Variants in KCNN1 observed in about 807,000 individuals in gnomAD.
KCNN1 encodes the protein potassium calcium-activated channel subfamily N member 1.
Under a neutral mutation model 44.7 loss-of-function variants are expected in KCNN1, and 20 were observed. The observed-to-expected ratio is 0.45, with a 90% CI of 0.32 to 0.65. The LOEUF (loss-of-function observed/expected upper bound fraction) is 0.65, where lower values mean the gene tolerates loss of function less well. KCNN1 is among the 30% of genes least tolerant of loss of function. The pLI is 0.05. For missense variants in KCNN1, 632 were observed against 785.3 expected (o/e 0.80, Z 2.33); for synonymous variants, 324 against 341.7 (o/e 0.95, Z 0.57).
chr19:17,967,024 TC>T (rs1351701681), upstream of KCNN1: 4 of 568,658 alleles, frequency 7.0e-6, no homozygotes, highest in Non-Finnish European at 4.4e-6. Flanking sequence ...GCTTGCGGGG[TC>T]GTCGAAGGCG....
At chr19:17,961,253 C>A (rs551674141) in intron 2 of KCNN1, among the ~76,000 whole-genome samples, 3 of 150,618 alleles carry the variant, frequency 2.0e-5, no homozygotes, top group African/African-American at 7.3e-5. Flanking sequence ...CCCACTATGA[C>A]CCCCTCTTCA....
Position 17,981,425 on chromosome 19 carries a change from G to A in KCNN1, c.499-284G>A, listed in dbSNP as rs548881996. Among the ~76,000 whole-genome samples the A allele has an allele frequency of 2.0e-5, 3 of 150,444 alleles. 1 individual carries two copies. In the South Asian group the frequency reaches 6.3e-4, roughly 32 times the overall value. On this transcript the variant is annotated intron_variant, in intron 3 of 9. Coordinates refer to ENST00000684775, the MANE Select transcript of KCNN1 (RefSeq NM_001386974.1). ...AAATTAGCCAGGTGTGGTGGGGCAA[G>A]CCTGTAATTCCAGCTACTCCGGAGG...
chr19:17,982,892 T>C (rs1389738739), intron 4 of KCNN1, among the ~76,000 whole-genome samples: 1 of 151,684 alleles, frequency 6.6e-6, no homozygotes, highest in Admixed American at 6.6e-5. Flanking sequence ...GGATCTGGGG[T>C]GGGCTAGGTG....
rs2033086865 is a variant in KCNN1, at chr19:17,998,626, C to T, written c.*220C>T. 9 of 482,264 alleles carry T rather than the reference C, an allele frequency of 1.9e-5. No individual in the cohort carries two copies. The highest frequency in any genetic ancestry group is 5.3e-4 in the Middle Eastern group (1 of 1,888). 29.9% of individuals were successfully genotyped at this position (482,264 alleles called of 1,614,324 possible). On this transcript the variant is annotated 3_prime_UTR_variant, in exon 10 of 10. Transcript: ENST00000684775. This position sits in a 1 kb window ranked among gnomAD's most constrained non-coding sequence, Gnocchi z 5.4. ...AGCTTCCTCTGGTCACCTGGTCCCC[C>T]GACTCTCCCCAGGCCCCCGGTGGGC...
intron 1 of KCNN1, among the ~76,000 whole-genome samples, chr19:17,970,832 C>T (rs2031992508): frequency 6.6e-6 from 1 of 151,942 alleles, no homozygotes; most frequent in Admixed American, 6.6e-5. Context: ...ATAGGTGGTC[C>T]TGCAATGTGT....
chr19:17,998,474 T>C lies in KCNN1; in HGVS notation c.*68T>C. ...TGGCCGCCACCTCCGGGAAGCCTTG[T>C]ACAGTGGCGCCTCTTGGAGTTCAAG... On this transcript the variant is annotated 3_prime_UTR_variant, in exon 10 of 10. Transcript: ENST00000684775. The surrounding 1 kb of genome is among the most constrained non-coding windows in gnomAD (Gnocchi z 5.4). 7.2e-7 allele frequency: 1 copy of C among 1,389,414 alleles called. No homozygotes were observed. 86.1% of individuals were successfully genotyped at this position (1,389,414 alleles called of 1,614,324 possible).
rs774463047 is a variant in KCNN1, at chr19:17,977,111, G to T, written c.498+1924G>T. On this transcript the variant is annotated intron_variant, in intron 3 of 9. Coordinates refer to ENST00000684775, the MANE Select transcript of KCNN1 (RefSeq NM_001386974.1). ...GAAGTCTGAGATCAAGGCGTTAGCA[G>T]GGTTGGTTCCTTCTGAGAGCCATGA... Among the ~76,000 whole-genome samples the T allele has an allele frequency of 6.4e-4, 97 of 152,142 alleles. 1 individual carries two copies. Among genetic ancestry groups the T allele is most frequent in the Admixed American group, 3.3e-4 (5 of 15,256 alleles).
intron 7 of KCNN1, among the ~76,000 whole-genome samples, chr19:17,992,524 C>T (rs1234855565): frequency 5.3e-5 from 8 of 152,162 alleles, no homozygotes; most frequent in South Asian, 4.1e-4. Flanking sequence ...TCGCTTGAAC[C>T]GGGGAAGTGG....
upstream of KCNN1, among the ~76,000 whole-genome samples, chr19:17,963,108 C>T (rs1436800543): frequency 2.7e-5 from 4 of 148,388 alleles, no homozygotes; most frequent in Admixed American, 6.8e-5. Flanking sequence ...CCTGGGTTCA[C>T]GCCATTCTCC....
chr19:17,998,607 C>T lies in KCNN1; in HGVS notation c.*201C>T, dbSNP rs1326667915. 3.9e-6 allele frequency: 2 copies of T among 511,088 alleles called. No homozygotes were observed. Among genetic ancestry groups the T allele is most frequent in the African/African-American group, 2.0e-5 (1 of 50,320 alleles). 31.7% of individuals were successfully genotyped at this position (511,088 alleles called of 1,614,324 possible). A position where few individuals can be genotyped will look rare whatever the true frequency, so the allele number is the denominator to read the frequency against. ...TGAGGGCAGGGGAGCCCGGAGCTTC[C>T]TCTGGTCACCTGGTCCCCCGACTCT... On this transcript the variant is annotated 3_prime_UTR_variant, in exon 10 of 10. Coordinates refer to ENST00000684775, the MANE Select transcript of KCNN1 (RefSeq NM_001386974.1). The surrounding 1 kb of genome is among the most constrained non-coding windows in gnomAD (Gnocchi z 5.4).
intron 3 of KCNN1, among the ~76,000 whole-genome samples, chr19:17,981,406 G>A (rs1236851432): frequency 6.6e-6 from 1 of 151,938 alleles, no homozygotes; most frequent in Non-Finnish European, 1.5e-5. Flanking sequence ...ACAAAAATTA[G>A]CCAGGTGTGG....
chr19:17,988,783 C>T (rs1324970383), intron 6 of KCNN1, among the ~76,000 whole-genome samples: 6 of 151,996 alleles, frequency 3.9e-5, no homozygotes, highest in African/African-American at 1.5e-4. Context: ...TGGTGACGGA[C>T]GCCTGTAGTC....
intron 2 of KCNN1, among the ~76,000 whole-genome samples, chr19:17,958,507 A>G (rs1404913336): frequency 8.4e-6 from 1 of 118,548 alleles, no homozygotes; most frequent in African/African-American, 3.2e-5. Context: ...TTTTTTTGAT[A>G]CAGGGTCTCA....
At chr19:17,953,677 C>A (rs1459412451) in intron 1 of KCNN1, among the ~76,000 whole-genome samples, 1 of 152,196 alleles carries the variant, frequency 6.6e-6, no homozygotes, top group Non-Finnish European at 1.5e-5. Flanking sequence ...CGAGGTGGTT[C>A]ACAACTGTAA....
At position 17,974,963 on chromosome 19, in the gene KCNN1, G is replaced by C; in HGVS notation, c.403-129G>C. On this transcript the variant is annotated intron_variant, in intron 2 of 9. Transcript: ENST00000684775. This position sits in a 1 kb window ranked among gnomAD's most constrained non-coding sequence, Gnocchi z 7.3. ...GGAACTAGCAGAAATTCAGGGTACA[G>C]TGGGAGAAGCCACTGGGAAGAGCCC... is the stretch of plus-strand genomic sequence containing the variant. 2.9e-6 allele frequency: 2 copies of C among 686,560 alleles called. No individual in the cohort carries two copies. The highest frequency in any genetic ancestry group is 2.3e-5 in the Admixed American group (1 of 43,738). 42.5% of individuals were successfully genotyped at this position (686,560 alleles called of 1,614,324 possible).
chr19:17,971,397 C>A (rs1185255369), intron 1 of KCNN1, among the ~76,000 whole-genome samples: 1 of 152,156 alleles, frequency 6.6e-6, no homozygotes, highest in Admixed American at 6.5e-5. Context: ...GGGAAAATCT[C>A]ACAAAGGAGC....
intron 4 of KCNN1, 124 bp downstream of exon 4, chr19:17,982,251 G>A (rs570933133): frequency 7.5e-6 from 6 of 796,260 alleles, no homozygotes; most frequent in South Asian, 7.5e-5. Context: ...CTGTCTCCCC[G>A]ACTGCAAGAC....
rs530163801 is a variant in KCNN1, at chr19:17,998,982, C to A, written c.*576C>A. On this transcript the variant is annotated 3_prime_UTR_variant, in exon 10 of 10. Transcript: ENST00000684775. The surrounding 1 kb of genome is among the most constrained non-coding windows in gnomAD (Gnocchi z 5.4). ...GAAGCATCGCTCCCCTTCAACCAACCGCGTTGATGGACACCCACTGTGTGC... is the reference window on the plus strand; with the variant it reads ...GAAGCATCGCTCCCCTTCAACCAACAGCGTTGATGGACACCCACTGTGTGC... The A allele has an allele frequency of 6.6e-6, 1 of 152,388 alleles. No individual in the cohort carries two copies. Among genetic ancestry groups the A allele is most frequent in the Non-Finnish European group, 1.5e-5 (1 of 68,176 alleles). The allele number at this position is 152,388 out of a possible 1,614,324, so 9.4% of individuals were successfully genotyped here.
chr19:17,990,717 A>G (rs1329732245), intron 7 of KCNN1, among the ~76,000 whole-genome samples: 1 of 150,258 alleles, frequency 6.7e-6, no homozygotes, highest in South Asian at 2.1e-4. Flanking sequence ...GGAGAATGGC[A>G]TGAACCCAGG....
Sources: gnomAD v4.1 joint callset for allele counts (sites outside exome capture counted in the v4.1 genomes callset) on GRCh38, gnomAD v4.1.1 for gene constraint, Gnocchi (gnomAD v3.1) non-coding constraint, MANE v1.5 for transcripts, NCBI Gene and HGNC (gene_info 2026-07-23, HGNC 2026-07-21) for gene names.